Variants in BDNF observed in about 807,000 individuals in gnomAD.
The protein encoded by BDNF is neurotrophic factor BDNF precursor form.
BDNF carries 1 observed loss-of-function variant against 19.5 expected under a neutral mutation model. The observed-to-expected ratio is 0.05, with a 90% CI of 0.02 to 0.24. BDNF has a LOEUF of 0.24. Among genes scored for constraint, BDNF ranks in the 10% least tolerant of loss-of-function variants. The pLI, the probability that BDNF is intolerant of heterozygous loss-of-function variation, is 1.00. For synonymous variants in BDNF, 100 were observed against 121.6 expected (o/e 0.82, Z 1.17); for missense variants, 195 against 317.6 (o/e 0.61, Z 2.93).
At chr11:27,700,793 C>T, upstream of BDNF, 1 of 1,204,146 alleles carries the variant, frequency 8.3e-7, no homozygotes, top group South Asian at 1.5e-5. Flanking sequence ...CCCCGGGGAA[C>T]CCCGCGTCCC....
intron 1 of BDNF, among the ~76,000 whole-genome samples, chr11:27,689,731 G>A (rs1269590831): frequency 3.3e-5 from 5 of 151,928 alleles, no homozygotes; most frequent in African/African-American, 9.7e-5. Context: ...TTTAAGTTCC[G>A]GGATACATGT....
chr11:27,706,516 A>G (rs529476954), intron 1 of BDNF, among the ~76,000 whole-genome samples: 1 of 152,232 alleles, frequency 6.6e-6, no homozygotes, highest in South Asian at 2.1e-4. Context: ...CTGCTTACTA[A>G]CCTCCTTATG....
intron 1 of BDNF, among the ~76,000 whole-genome samples, chr11:27,685,836 G>T (rs1421710514): frequency 6.6e-6 from 1 of 152,188 alleles, no homozygotes; most frequent in Non-Finnish European, 1.5e-5. Flanking sequence ...GTCAATTTTA[G>T]AATAAGTGTG....
intron 1 of BDNF, chr11:27,720,809 G>A (rs1183944308): frequency 1.0e-6 from 1 of 986,320 alleles, no homozygotes; most frequent in Non-Finnish European, 1.2e-6. Context: ...ACTTCCTTAC[G>A]GTTTGTCACG....
At position 27,696,524 on chromosome 11, in the gene BDNF, T is replaced by C. The variant is rs545858040; in HGVS notation, c.-22+3640A>G. ...TGAACAACAGCCAGCACTTAAAACCTAGAATTCCACAGAATTCTCTCCTCG... is the reference window on the plus strand; with the variant it reads ...TGAACAACAGCCAGCACTTAAAACCCAGAATTCCACAGAATTCTCTCCTCG... On this transcript the variant is annotated intron_variant, in intron 1 of 1. Coordinates refer to ENST00000356660, the MANE Select transcript of BDNF (RefSeq NM_001709.5). 5.9e-5 allele frequency: 9 copies of C among 152,356 alleles called. No individual in the cohort carries two copies. In the East Asian group the frequency reaches 1.7e-3, roughly 29 times the overall value. The allele number at this position is 152,356 out of a possible 1,614,324, so 9.4% of individuals were successfully genotyped here.
chr11:27,662,563 C>T (rs879589407), intron 1 of BDNF, among the ~76,000 whole-genome samples: 10 of 152,162 alleles, frequency 6.6e-5, no homozygotes, highest in Non-Finnish European at 1.0e-4. Context: ...AATTTTTCCA[C>T]GGTCTGGGAG....
At chr11:27,689,209 G>A (rs1311794692) in intron 1 of BDNF, among the ~76,000 whole-genome samples, 2 of 152,100 alleles carry the variant, frequency 1.3e-5, no homozygotes, top group Non-Finnish European at 1.5e-5. Flanking sequence ...GCAGGTTTTG[G>A]TTATAGACAG....
intron 1 of BDNF, chr11:27,673,966 C>G (rs932689848): frequency 1.4e-6 from 2 of 1,397,752 alleles, no homozygotes; most frequent in Non-Finnish European, 1.9e-6. Flanking sequence ...CCTCTAGAGA[C>G]CAAAGAATAA....
At chr11:27,667,491 A>G (rs1184080259) in intron 1 of BDNF, among the ~76,000 whole-genome samples, 4 of 152,256 alleles carry the variant, frequency 2.6e-5, no homozygotes, top group Non-Finnish European at 5.9e-5. Context: ...TAAAGAGTCA[A>G]GACCCATCAG....
At chr11:27,707,365 A>G (rs1860151813) in intron 1 of BDNF, among the ~76,000 whole-genome samples, 1 of 152,244 alleles carries the variant, frequency 6.6e-6, no homozygotes, top group African/African-American at 2.4e-5. Flanking sequence ...GAGATATTCT[A>G]TGGTGTCTGT....
intron 1 of BDNF, among the ~76,000 whole-genome samples, chr11:27,684,615 G>A (rs1227388022): frequency 6.6e-6 from 1 of 152,184 alleles, no homozygotes; most frequent in Non-Finnish European, 1.5e-5. Context: ...ATGAAGGGCT[G>A]TTGAATTTTA....
At chr11:27,709,030 T>C (rs1860220596) in intron 1 of BDNF, among the ~76,000 whole-genome samples, 1 of 152,024 alleles carries the variant, frequency 6.6e-6, no homozygotes, top group Non-Finnish European at 1.5e-5. Context: ...AGTTTCACCA[T>C]GTTGGCCAGG....
chr11:27,720,632 CAAG>C, intron 1 of BDNF: 1 of 985,520 alleles, frequency 1.0e-6, no homozygotes, highest in Non-Finnish European at 1.2e-6. Context: ...ACAGCGGGGC[CAAG>C]AAGACTACCT....
intron 1 of BDNF, among the ~76,000 whole-genome samples, chr11:27,716,098 G>T (rs539949732): frequency 5.3e-5 from 8 of 152,024 alleles, no homozygotes; most frequent in Non-Finnish European, 1.0e-4. Flanking sequence ...GTGTTTTAAG[G>T]GTATTAATCT....
At chr11:27,664,376 T>G (rs1853969265) in intron 1 of BDNF, among the ~76,000 whole-genome samples, 1 of 152,084 alleles carries the variant, frequency 6.6e-6, no homozygotes, top group Non-Finnish European at 1.5e-5. Flanking sequence ...AGGTAGGACA[T>G]ACGTAACTAG....
chr11:27,688,593 G>A (rs908270131), intron 1 of BDNF, among the ~76,000 whole-genome samples: 3 of 152,220 alleles, frequency 2.0e-5, no homozygotes, highest in Non-Finnish European at 4.4e-5. Flanking sequence ...TAGGAAATGT[G>A]TAGTATCTGG....
At chr11:27,708,916 C>T (rs1022004283) in intron 1 of BDNF, among the ~76,000 whole-genome samples, 3 of 147,864 alleles carry the variant, frequency 2.0e-5, no homozygotes, top group Non-Finnish European at 4.4e-5. Flanking sequence ...GCAACCTCTG[C>T]CTCCTGGGTT....
At chr11:27,672,680 T>C (rs1306821808) in intron 1 of BDNF, among the ~76,000 whole-genome samples, 1 of 152,144 alleles carries the variant, frequency 6.6e-6, no homozygotes. Flanking sequence ...CCAAAATCTC[T>C]CTTCTTCGAT....
intron 1 of BDNF, among the ~76,000 whole-genome samples, chr11:27,688,272 G>A (rs568022590): frequency 3.3e-5 from 5 of 152,338 alleles, no homozygotes; most frequent in Middle Eastern, 3.4e-3. Flanking sequence ...CCAAGCTGGA[G>A]CATCCCAGGT....
Sources: gnomAD v4.1 joint callset for allele counts (sites outside exome capture counted in the v4.1 genomes callset) on GRCh38, gnomAD v4.1.1 for gene constraint, MANE v1.5 for transcripts, NCBI Gene and HGNC (gene_info 2026-07-23, HGNC 2026-07-21) for gene names.